SCEL: variants seen among roughly 807,000 people sequenced by gnomAD.
The protein encoded by SCEL is sciellin.
SCEL carries 113 observed loss-of-function variants against 117.6 expected under a neutral mutation model. The observed-to-expected ratio is 0.96, with a 90% CI of 0.83 to 1.12. SCEL has a LOEUF of 1.12. SCEL is among the 50% of genes most tolerant of loss of function. The pLI is 0.00. For missense variants in SCEL, 785 were observed against 810.8 expected (o/e 0.97, Z 0.39); for synonymous variants, 270 against 256.2 (o/e 1.05, Z -0.51).
intron 9 of SCEL, among the ~76,000 whole-genome samples, chr13:77,577,519 C>G (rs2086016085): frequency 6.6e-6 from 1 of 152,164 alleles, no homozygotes; most frequent in African/African-American, 2.4e-5. Context: ...CCGCCCTTGA[C>G]ACATGGGGCT....
intron 3 of SCEL, among the ~76,000 whole-genome samples, chr13:77,557,213 A>G (rs1442612218): frequency 6.6e-6 from 1 of 152,212 alleles, no homozygotes; most frequent in African/African-American, 2.4e-5. Flanking sequence ...GATATATGGT[A>G]TTACTTTGTA....
intron 5 of SCEL, 76 bp downstream of exon 5, chr13:77,563,975 TA>T (rs2085138777): frequency 9.4e-7 from 1 of 1,060,018 alleles, no homozygotes. Flanking sequence ...ATGAAGTATT[TA>T]AAAGTTTACC....
In SCEL at chr13:77,644,439, G is replaced by A. The variant is rs1243611049; in HGVS notation, c.*165G>A. 3.0e-6 allele frequency: 2 copies of A among 662,210 alleles called. No homozygotes were observed. Among genetic ancestry groups the A allele is most frequent in the African/African-American group, 1.8e-5 (1 of 54,728 alleles). The allele number at this position is 662,210 out of a possible 1,614,324, so 41.0% of individuals were successfully genotyped here. A position where few individuals can be genotyped will look rare whatever the true frequency, so the allele number is the denominator to read the frequency against. The stretch of plus-strand genomic sequence containing the variant: ...TAAGTAATCTAATTGTCTTCAATAA[G>A]GTCACACACATAAAAAGAGCCATCT... On this transcript the variant is annotated 3_prime_UTR_variant, in exon 33 of 33. Transcript: ENST00000349847.
chr13:77,602,890 C>A, intron 17 of SCEL, 177 bp downstream of exon 17: 2 of 636,318 alleles, frequency 3.1e-6, no homozygotes, highest in Non-Finnish European at 5.3e-6. Context: ...TTACATATAG[C>A]CCAATAAAAT....
intron 2 of SCEL, among the ~76,000 whole-genome samples, chr13:77,556,218 C>T (rs1298269123): frequency 6.6e-6 from 1 of 152,142 alleles, no homozygotes; most frequent in Non-Finnish European, 1.5e-5. Flanking sequence ...GACTTATTGA[C>T]TATTACTATG....
At chr13:77,627,343 A>G (rs997006004) in intron 27 of SCEL, among the ~76,000 whole-genome samples, 2 of 152,206 alleles carry the variant, frequency 1.3e-5, no homozygotes, top group Non-Finnish European at 2.9e-5. Context: ...ACAGTACTTC[A>G]TGACACAAAG....
In SCEL at chr13:77,591,402, C is replaced by A. The variant is rs1165578487; in HGVS notation, c.634C>A (p.His212Asn). ...NQLRQDNRQI[H>N]PPKPGVYTET... ...CTAACTTTGAAAATATAGGCAGATA[C>A]ATCCACCTAAACCAGGTGTATATAC... Residue 212 changes from histidine to asparagine, a missense_variant, in exon 11 of 33, where the codon CAT becomes AAT. Coordinates refer to ENST00000349847, the MANE Select transcript of SCEL (RefSeq NM_144777.3). 8 of 1,572,864 alleles carry A rather than the reference C, an allele frequency of 5.1e-6. No homozygotes were observed. Among genetic ancestry groups the A allele is most frequent in the Non-Finnish European group, 7.0e-6 (8 of 1,144,778 alleles).
intron 9 of SCEL, among the ~76,000 whole-genome samples, chr13:77,573,423 A>G (rs2085751362): frequency 6.6e-6 from 1 of 152,208 alleles, no homozygotes; most frequent in African/African-American, 2.4e-5. Flanking sequence ...AAATATTTTT[A>G]AACTCTGTGC....
intron 24 of SCEL, among the ~76,000 whole-genome samples, chr13:77,616,493 T>C (rs2089053060): frequency 6.6e-6 from 1 of 152,060 alleles, no homozygotes; most frequent in Non-Finnish European, 1.5e-5. Flanking sequence ...TAATAGTATT[T>C]ATAGATATCA....
At chr13:77,618,390 C>A (rs980429125) in intron 27 of SCEL, among the ~76,000 whole-genome samples, 6 of 152,050 alleles carry the variant, frequency 3.9e-5, no homozygotes, top group African/African-American at 1.4e-4. Context: ...ACTAGTTGCC[C>A]AGGGTGGTCT....
At chr13:77,595,145 G>A (rs1283449675) in intron 12 of SCEL, among the ~76,000 whole-genome samples, 1 of 152,196 alleles carries the variant, frequency 6.6e-6, no homozygotes, top group East Asian at 1.9e-4. Context: ...AACTGTCAGA[G>A]AGGCAGTTAG....
intron 1 of SCEL, among the ~76,000 whole-genome samples, chr13:77,540,809 AC>A (rs1377054998): frequency 6.6e-6 from 1 of 152,230 alleles, no homozygotes; most frequent in African/African-American, 2.4e-5. Context: ...ACACCCTTGA[AC>A]GACTTTAAGT....
intron 22 of SCEL, among the ~76,000 whole-genome samples, chr13:77,610,695 A>T (rs2154402985): frequency 6.6e-6 from 1 of 152,162 alleles, no homozygotes; most frequent in Non-Finnish European, 1.5e-5. Context: ...ACATCACCCC[A>T]AACAATTTCC....
chr13:77,603,188 G>T, intron 18 of SCEL, 53 bp downstream of exon 18: 1 of 1,177,674 alleles, frequency 8.5e-7, no homozygotes, highest in Non-Finnish European at 1.2e-6. Context: ...TCAATCAGAA[G>T]ATAAAATAAT....
chr13:77,643,957 C>A (rs374430313), intron 32 of SCEL, among the ~76,000 whole-genome samples: 11 of 152,152 alleles, frequency 7.2e-5, no homozygotes, highest in African/African-American at 2.6e-4. Context: ...GGTGTGATTA[C>A]CAAAAGACTC....
At chr13:77,602,542 C>T in intron 16 of SCEL, 112 bp from the exon 17 acceptor site, 2 of 819,038 alleles carry the variant, frequency 2.4e-6, no homozygotes, top group Admixed American at 2.1e-5. Flanking sequence ...TCTTTTTGGT[C>T]ATTTGGTCCT....
chr13:77,548,239 C>T (rs2084102359), intron 1 of SCEL, among the ~76,000 whole-genome samples: 2 of 152,366 alleles, frequency 1.3e-5, no homozygotes, highest in Middle Eastern at 3.4e-3. Context: ...GAAGCAGAGA[C>T]TTAGTCCAAG....
At chr13:77,553,537 C>A (rs1233661064) in intron 1 of SCEL, among the ~76,000 whole-genome samples, 1 of 152,154 alleles carries the variant, frequency 6.6e-6, no homozygotes. Flanking sequence ...ACTAGTTGAG[C>A]TTTAAGTTTG....
chr13:77,585,234 A>G (rs1002884906), intron 9 of SCEL, among the ~76,000 whole-genome samples: 8 of 152,200 alleles, frequency 5.3e-5, no homozygotes, highest in African/African-American at 1.9e-4. Context: ...GTAATCCAGA[A>G]TAGTGTGATA....
Sources: allele counts gnomAD v4.1 joint callset (sites outside exome capture counted in the v4.1 genomes callset), GRCh38; gene constraint gnomAD v4.1.1; transcripts MANE v1.5; gene names NCBI Gene and HGNC (gene_info 2026-07-23, HGNC 2026-07-21).